The following NLGN1 variants were observed in gnomAD, a reference collection of about 807,000 sequenced individuals.
NLGN1 encodes the protein neuroligin-1.
NLGN1 carries 12 observed loss-of-function variants against 65.5 expected under a neutral mutation model. The ratio of observed to expected loss-of-function variants is 0.18; its 90% CI spans 0.12 to 0.30. The LOEUF (loss-of-function observed/expected upper bound fraction) is 0.30, where lower values mean the gene tolerates loss of function less well. NLGN1 is among the 10% of genes least tolerant of loss of function. The pLI, the probability that NLGN1 is intolerant of heterozygous loss-of-function variation, is 1.00. For missense variants in NLGN1, 750 were observed against 1,007.1 expected (o/e 0.74, Z 3.46); for synonymous variants, 350 against 359.5 (o/e 0.97, Z 0.30).
At chr3:173,807,779 C>G (rs1560412617) in exon 4 of NLGN1, 1 of 1,613,618 alleles carries the variant, frequency 6.2e-7, no homozygotes, top group Non-Finnish European at 8.5e-7. Flanking sequence ...AGTGTCTTGG[C>G]AAGTTATGGC....
chr3:173,487,630 G>A (rs1027408978), intron 2 of NLGN1, among the ~76,000 whole-genome samples: 15 of 151,522 alleles, frequency 9.9e-5, no homozygotes, highest in Non-Finnish European at 1.9e-4. Flanking sequence ...TATGTATTTT[G>A]CAACAATATT....
chr3:174,059,369 G>A (rs1017524215), intron 4 of NLGN1, among the ~76,000 whole-genome samples: 1 of 152,118 alleles, frequency 6.6e-6, no homozygotes, highest in African/African-American at 2.4e-5. Context: ...CCGTTCAACA[G>A]TGTTTTTCAT....
intron 4 of NLGN1, among the ~76,000 whole-genome samples, chr3:174,273,107 A>AAAT: frequency 6.6e-6 from 1 of 151,700 alleles, no homozygotes; most frequent in African/African-American, 2.4e-5. Flanking sequence ...GTTAATGTAG[A>AAAT]AATAATTGTC....
At chr3:174,069,566 C>G (rs1447543713) in intron 4 of NLGN1, among the ~76,000 whole-genome samples, 1 of 152,082 alleles carries the variant, frequency 6.6e-6, no homozygotes, top group African/African-American at 2.4e-5. Flanking sequence ...TTTTTCAAAG[C>G]AAATGAACAC....
At chr3:173,854,440 T>G (rs1183222336) in intron 4 of NLGN1, among the ~76,000 whole-genome samples, 1 of 152,108 alleles carries the variant, frequency 6.6e-6, no homozygotes, top group Non-Finnish European at 1.5e-5. Flanking sequence ...GTTATGTAAG[T>G]ATGAATCTAT....
intron 4 of NLGN1, among the ~76,000 whole-genome samples, chr3:173,937,336 G>C (rs73883610): frequency 1.3e-5 from 2 of 151,982 alleles, no homozygotes; most frequent in Non-Finnish European, 2.9e-5. Flanking sequence ...ATCAATGAGA[G>C]GTGTTGAGAT....
intron 2 of NLGN1, among the ~76,000 whole-genome samples, chr3:173,572,196 G>A (rs1167909202): frequency 6.6e-6 from 1 of 152,156 alleles, no homozygotes; most frequent in Non-Finnish European, 1.5e-5. Context: ...ATTTGAAAGT[G>A]TGACCTAGCC....
At chr3:173,440,843 C>G (rs1197278524) in intron 2 of NLGN1, among the ~76,000 whole-genome samples, 1 of 152,128 alleles carries the variant, frequency 6.6e-6, no homozygotes, top group African/African-American at 2.4e-5. Flanking sequence ...AACAAAAGAG[C>G]CAGTCTTTCT....
intron 4 of NLGN1, among the ~76,000 whole-genome samples, chr3:174,057,257 G>A (rs1015014036): frequency 2.0e-5 from 3 of 152,044 alleles, no homozygotes; most frequent in African/African-American, 7.2e-5. Context: ...ACACGGTACT[G>A]TTTTTGATGG....
At chr3:173,588,182 A>G (rs1335316718) in intron 2 of NLGN1, among the ~76,000 whole-genome samples, 1 of 152,206 alleles carries the variant, frequency 6.6e-6, no homozygotes, top group Non-Finnish European at 1.5e-5. Flanking sequence ...AACACTCATG[A>G]TGAGTCTAAT....
intron 2 of NLGN1, among the ~76,000 whole-genome samples, chr3:173,477,784 G>A (rs1450533529): frequency 6.6e-6 from 1 of 152,124 alleles, no homozygotes; most frequent in Non-Finnish European, 1.5e-5. Flanking sequence ...CTTTTGAGAA[G>A]TGTCTGTTCA....
intron 3 of NLGN1, chr3:173,605,534 T>C: frequency 7.8e-7 from 1 of 1,282,554 alleles, no homozygotes; most frequent in Non-Finnish European, 1.0e-6. Context: ...CATTTTTCAG[T>C]AAAAAGAATA....
intron 3 of NLGN1, among the ~76,000 whole-genome samples, chr3:173,699,004 G>A (rs1766686341): frequency 1.3e-5 from 2 of 152,000 alleles, no homozygotes; most frequent in Non-Finnish European, 2.9e-5. Flanking sequence ...TTACACGCAT[G>A]CGCCACCTTG....
At chr3:174,048,340 G>A (rs889309462) in intron 4 of NLGN1, among the ~76,000 whole-genome samples, 6 of 151,978 alleles carry the variant, frequency 3.9e-5, no homozygotes, top group South Asian at 2.1e-4. Flanking sequence ...GCACAATGAG[G>A]GAATTAGACT....
intron 3 of NLGN1, among the ~76,000 whole-genome samples, chr3:173,689,396 C>T (rs1005187990): frequency 1.3e-5 from 2 of 152,108 alleles, no homozygotes; most frequent in African/African-American, 4.8e-5. Flanking sequence ...TGTAGAGTTC[C>T]TCTGACTTCC....
At chr3:174,191,002 CGTGT>C (rs148498871) in intron 4 of NLGN1, among the ~76,000 whole-genome samples, 10 of 150,626 alleles carry the variant, frequency 6.6e-5, no homozygotes, top group Middle Eastern at 3.4e-3. Context: ...GTAGTGTGTG[CGTGT>C]GTGTGTGTGT....
intron 4 of NLGN1, among the ~76,000 whole-genome samples, chr3:173,811,604 A>G (rs1244774517): frequency 6.6e-6 from 1 of 151,580 alleles, no homozygotes; most frequent in African/African-American, 2.4e-5. Flanking sequence ...AGAAGAGAAA[A>G]GAAATGCAGG....
intron 2 of NLGN1, among the ~76,000 whole-genome samples, chr3:173,450,755 T>C (rs1318263123): frequency 6.6e-6 from 1 of 152,214 alleles, no homozygotes; most frequent in Non-Finnish European, 1.5e-5. Context: ...GAGGCTTTGT[T>C]CATTTCTTTT....
intron 4 of NLGN1, among the ~76,000 whole-genome samples, chr3:174,120,889 C>A (rs140217205): frequency 6.6e-6 from 1 of 152,180 alleles, no homozygotes; most frequent in African/African-American, 2.4e-5. Flanking sequence ...TCACTGCTCA[C>A]GACTCTACTG....
Sources: gnomAD v4.1 joint callset for allele counts (sites outside exome capture counted in the v4.1 genomes callset) on GRCh38, gnomAD v4.1.1 for gene constraint, MANE v1.5 for transcripts, NCBI Gene and HGNC (gene_info 2026-07-23, HGNC 2026-07-21) for gene names.